Variants in POU2F1 observed in about 807,000 individuals in gnomAD.
The protein encoded by POU2F1 is POU domain, class 2, transcription factor 1.
POU2F1 carries 16 observed loss-of-function variants against 84.9 expected under a neutral mutation model. The observed-to-expected ratio is 0.19, with a 90% CI of 0.13 to 0.29. POU2F1 has a LOEUF of 0.29. Among genes scored for constraint, POU2F1 ranks in the 10% least tolerant of loss-of-function variants. POU2F1 has a pLI of 1.00. For missense variants in POU2F1, 738 were observed against 942.6 expected, an observed-to-expected ratio of 0.78 and a Z score of 2.84; for synonymous variants, 368 against 368.3, an observed-to-expected ratio of 1.00 and a Z score of 0.01.
rs147644806 is a variant in POU2F1, at chr1:167,412,985, G to A, written c.1902-41G>A. ...GGTGTGTTGTCAAAATGAGACCTGCGTCTGCATGGTAATAAAGTGACTCCT... is the reference window on the plus strand; with the variant it reads ...GGTGTGTTGTCAAAATGAGACCTGCATCTGCATGGTAATAAAGTGACTCCT... On this transcript the variant is annotated intron_variant, in intron 14 of 15. Transcript: ENST00000367866. 26 of 1,498,558 alleles carry A rather than the reference G, an allele frequency of 1.7e-5. No individual in the cohort carries two copies. The African/African-American group carries it at 2.5e-4, about 14-fold the overall frequency. 92.8% of individuals were successfully genotyped at this position (1,498,558 alleles called of 1,614,324 possible). A position where few individuals can be genotyped will look rare whatever the true frequency, so the allele number is the denominator to read the frequency against.
intron 2 of POU2F1, among the ~76,000 whole-genome samples, chr1:167,340,787 G>A (rs1450911613): frequency 6.6e-6 from 1 of 152,048 alleles, no homozygotes; most frequent in Non-Finnish European, 1.5e-5. Flanking sequence ...CAGTGAAGTT[G>A]AATAAAAGAC....
intron 2 of POU2F1, among the ~76,000 whole-genome samples, chr1:167,353,580 C>T (rs1658730947): frequency 6.6e-6 from 1 of 152,132 alleles, no homozygotes; most frequent in Non-Finnish European, 1.5e-5. Context: ...GAATTATCAT[C>T]CTCACGCTGT....
At chr1:167,256,940 G>A (rs189273837) in intron 1 of POU2F1, among the ~76,000 whole-genome samples, 2 of 152,254 alleles carry the variant, frequency 1.3e-5, no homozygotes, top group Non-Finnish European at 2.9e-5. Flanking sequence ...AAACCTGTCC[G>A]AATGTGACTG....
intron 1 of POU2F1, among the ~76,000 whole-genome samples, chr1:167,232,005 A>T (rs1043315534): frequency 1.3e-5 from 2 of 152,018 alleles, no homozygotes. Flanking sequence ...CTCCTCCCCC[A>T]ACACACACAC....
chr1:167,304,678 G>T (rs1004259924), intron 1 of POU2F1, among the ~76,000 whole-genome samples: 1 of 152,098 alleles, frequency 6.6e-6, no homozygotes, highest in Non-Finnish European at 1.5e-5. Context: ...GTAATTCAAA[G>T]ATATGAATCT....
At chr1:167,307,375 T>C (rs1417536913) in intron 1 of POU2F1, among the ~76,000 whole-genome samples, 1 of 152,102 alleles carries the variant, frequency 6.6e-6, no homozygotes, top group African/African-American at 2.4e-5. Context: ...ACATTTCATA[T>C]TTATGTAAAA....
intron 1 of POU2F1, 29 bp from the exon 2 acceptor site, chr1:167,332,441 A>G (rs757371632): frequency 2.5e-6 from 4 of 1,579,354 alleles, no homozygotes; most frequent in Non-Finnish European, 3.5e-6. Context: ...AGTTTTTTAA[A>G]AACCTTATTC....
intron 2 of POU2F1, among the ~76,000 whole-genome samples, chr1:167,343,632 ATTT>A (rs869170039): frequency 1.4e-5 from 1 of 69,398 alleles, no homozygotes; most frequent in Non-Finnish European, 2.8e-5. Flanking sequence ...CCAGGGGTCA[ATTT>A]TTTTTTTTTT....
At chr1:167,338,669 TC>T (rs1320050121) in intron 2 of POU2F1, among the ~76,000 whole-genome samples, 2 of 152,252 alleles carry the variant, frequency 1.3e-5, no homozygotes, top group Non-Finnish European at 2.9e-5. Flanking sequence ...AGATGGTATT[TC>T]CCCATTCTTC....
At chr1:167,304,398 A>T (rs1180152818) in intron 1 of POU2F1, among the ~76,000 whole-genome samples, 1 of 152,206 alleles carries the variant, frequency 6.6e-6, no homozygotes, top group African/African-American at 2.4e-5. Flanking sequence ...CATATAGCTC[A>T]ATATGCTAGA....
chr1:167,319,228 G>C (rs1414156727), intron 1 of POU2F1, among the ~76,000 whole-genome samples: 2 of 152,094 alleles, frequency 1.3e-5, no homozygotes, highest in African/African-American at 4.8e-5. Context: ...TAGGCTGCTG[G>C]TTTTGGCCTG....
rs563983093 is a variant in POU2F1, at chr1:167,242,525, C to T, written c.61+21567C>T. Reference sequence around the variant, plus strand: ...CGCATTGAAGCACTAAGTGTTTGAGCACATCTCACAGGATGATCTAGCTAT... The same window carrying T: ...CGCATTGAAGCACTAAGTGTTTGAGTACATCTCACAGGATGATCTAGCTAT... On this transcript the variant is annotated intron_variant, in intron 1 of 15. Transcript: ENST00000367866. 2.6e-5 allele frequency among the ~76,000 whole-genome samples: 4 copies of T among 152,272 alleles called. No homozygotes were observed. In the East Asian group the frequency reaches 7.7e-4, roughly 29 times the overall value.
At chr1:167,251,840 C>T (rs866784475) in intron 1 of POU2F1, among the ~76,000 whole-genome samples, 8 of 150,708 alleles carry the variant, frequency 5.3e-5, no homozygotes, top group East Asian at 2.0e-4. Flanking sequence ...TTTGTTTCTT[C>T]GTTATATCTT....
At chr1:167,273,804 C>G (rs561111077) in intron 1 of POU2F1, among the ~76,000 whole-genome samples, 4 of 152,270 alleles carry the variant, frequency 2.6e-5, no homozygotes, top group African/African-American at 9.6e-5. Context: ...GTGGTCTTTC[C>G]CCTCTCATCA....
Position 167,407,307 on chromosome 1 carries a change from G to A in POU2F1, c.1556-4652G>A, listed in dbSNP as rs577500753. On this transcript the variant is annotated intron_variant, in intron 13 of 15. Coordinates refer to ENST00000367866, the MANE Select transcript of POU2F1 (RefSeq NM_002697.4). ...GGCCTCCCAAAGTGCTGGGATTACA[G>A]GCATGAGCCACCATGCTCAGTCTTC... Among the ~76,000 whole-genome samples the A allele has an allele frequency of 3.9e-5, 6 of 152,254 alleles. No homozygotes were observed. In the East Asian group the frequency reaches 1.2e-3, roughly 29 times the overall value.
At chr1:167,267,476 A>G (rs1652047865) in intron 1 of POU2F1, among the ~76,000 whole-genome samples, 1 of 152,128 alleles carries the variant, frequency 6.6e-6, no homozygotes, top group Admixed American at 6.5e-5. Context: ...TTGTATTAGT[A>G]CATAGCTACC....
intron 2 of POU2F1, among the ~76,000 whole-genome samples, chr1:167,362,718 C>T (rs922457247): frequency 6.6e-6 from 1 of 152,144 alleles, no homozygotes; most frequent in Non-Finnish European, 1.5e-5. Flanking sequence ...AAAGTCAGGA[C>T]AGAGTAAACA....
intron 13 of POU2F1, among the ~76,000 whole-genome samples, chr1:167,403,266 A>G (rs1334774549): frequency 6.6e-6 from 1 of 152,172 alleles, no homozygotes; most frequent in Non-Finnish European, 1.5e-5. Context: ...TTATATGTAC[A>G]TGTATGTACA....
rs1290266867 is a variant in POU2F1 at position 167,311,256 on chromosome 1, C to G, written c.62-21214C>G. On this transcript the variant is annotated intron_variant, in intron 1 of 15. Coordinates refer to ENST00000367866, the MANE Select transcript of POU2F1 (RefSeq NM_002697.4). ...AAAACAGAGAGAAATGACACCTTAC[C>G]TATGGGAAAAACAATTCCAGGGATA... 3.3e-5 allele frequency among the ~76,000 whole-genome samples: 5 copies of G among 151,944 alleles called. No homozygotes were observed. The East Asian group carries it at 9.7e-4, about 29-fold the overall frequency.
Sources: allele counts gnomAD v4.1 joint callset (sites outside exome capture counted in the v4.1 genomes callset), GRCh38; gene constraint gnomAD v4.1.1; transcripts MANE v1.5; gene names NCBI Gene and HGNC (gene_info 2026-07-23, HGNC 2026-07-21).